Variants in CSMD1 observed in about 807,000 individuals in gnomAD.
The protein encoded by CSMD1 is CUB and sushi domain-containing protein 1.
Under a neutral mutation model 417.5 loss-of-function variants are expected in CSMD1, and 213 were observed. The ratio of observed to expected loss-of-function variants is 0.51; its 90% CI spans 0.46 to 0.57. The LOEUF is 0.57. Among genes scored for constraint, CSMD1 ranks in the 20% least tolerant of loss-of-function variants. The probability of loss-of-function intolerance (pLI) is 0.00; values close to 1 mark genes in which losing one functional copy is unlikely to be tolerated. For synonymous variants in CSMD1, 2,862 were observed against 1,736.8 expected (o/e 1.65, Z -16.11); for missense variants, 6,923 against 4,529.7 (o/e 1.53, Z -15.17).
At position 3,926,108 on chromosome 8, in the gene CSMD1, C is replaced by CACACACACACACAAACACCAT. The variant is rs1809696051; in HGVS notation, c.818+71794_818+71795insATGGTGTTTGTGTGTGTGTGT. Among the ~76,000 whole-genome samples the CACACACACACACAAACACCAT allele has an allele frequency of 4.3e-4, 34 of 79,230 alleles. 3 individuals are homozygous for CACACACACACACAAACACCAT. The highest frequency in any genetic ancestry group is 1.7e-3 in the East Asian group (6 of 3,490). The allele number at this position is 79,230 out of a possible 152,430, so 52.0% of individuals were successfully genotyped here. A position where few individuals can be genotyped will look rare whatever the true frequency, so the allele number is the denominator to read the frequency against. On this transcript the variant is annotated intron_variant, in intron 5 of 69. Coordinates refer to ENST00000635120, the MANE Select transcript of CSMD1 (RefSeq NM_033225.6). ...ACACACACACACACACACACACACA[C>CACACACACACACAAACACCAT]ACACACACACACACACACACACACT...
At chr8:4,031,741 T>C (rs903349188) in intron 4 of CSMD1, among the ~76,000 whole-genome samples, 164 bp downstream of exon 4, 2 of 152,232 alleles carry the variant, frequency 1.3e-5, no homozygotes, top group African/African-American at 4.8e-5. Flanking sequence ...ATTTCTTACA[T>C]AGTAATAACA....
At chr8:3,119,153 C>A (rs1055790458) in intron 41 of CSMD1, among the ~76,000 whole-genome samples, 2 of 151,812 alleles carry the variant, frequency 1.3e-5, no homozygotes, top group Non-Finnish European at 2.9e-5. Context: ...GCGCTCCAGC[C>A]CGGGCGACAG....
chr8:4,833,520 C>A (rs1283969945), intron 1 of CSMD1, among the ~76,000 whole-genome samples: 1 of 152,208 alleles, frequency 6.6e-6, no homozygotes, highest in Non-Finnish European at 1.5e-5. Flanking sequence ...GAGCCAAACC[C>A]TATCACCCAC....
At chr8:3,665,495 C>T (rs554030623) in intron 7 of CSMD1, among the ~76,000 whole-genome samples, 2 of 152,272 alleles carry the variant, frequency 1.3e-5, no homozygotes, top group Admixed American at 6.5e-5. Flanking sequence ...CGCCACTGCA[C>T]TCCAGCCTGG....
At chr8:3,472,968 C>G (rs71521863) in intron 11 of CSMD1, among the ~76,000 whole-genome samples, 4,970 of 152,194 alleles carry the variant, frequency 0.033, 99 homozygotes, top group Non-Finnish European at 0.049. Context: ...CAGCTGAACA[C>G]TGATTATCTC....
chr8:4,161,481 G>A (rs995379897), intron 3 of CSMD1, among the ~76,000 whole-genome samples: 3 of 152,150 alleles, frequency 2.0e-5, no homozygotes, highest in African/African-American at 4.8e-5. Flanking sequence ...AGGTCATGCT[G>A]CTGTTGAGAT....
At chr8:3,504,228 T>C (rs952515648) in intron 10 of CSMD1, among the ~76,000 whole-genome samples, 4 of 145,642 alleles carry the variant, frequency 2.7e-5, no homozygotes, top group South Asian at 2.3e-4. Context: ...ACAATTATTA[T>C]GTATTAATTA....
chr8:3,535,461 C>T (rs554853993), intron 10 of CSMD1, among the ~76,000 whole-genome samples: 1 of 152,258 alleles, frequency 6.6e-6, no homozygotes, highest in East Asian at 1.9e-4. Flanking sequence ...GCAAAAGCCT[C>T]CATGTTCTCA....
chr8:4,725,117 G>A, intron 1 of CSMD1, among the ~76,000 whole-genome samples: 1 of 151,978 alleles, frequency 6.6e-6, no homozygotes, highest in Non-Finnish European at 1.5e-5. Flanking sequence ...ATCCTGAAAG[G>A]TATATATGTT....
rs189980987 is a variant in CSMD1 at position 3,268,034 on chromosome 8, T to C, written c.4153+16110A>G. Among the ~76,000 whole-genome samples the C allele has an allele frequency of 4.6e-5, 7 of 152,212 alleles. No individual in the cohort carries two copies. The East Asian group carries it at 1.2e-3, about 25-fold the overall frequency. ...CTCTGTCTGCCCTTCCTGGTAGTTT[T>C]ATGAGGGACGGGCCAATCTTTGCCT... On this transcript the variant is annotated intron_variant, in intron 26 of 69. Transcript: ENST00000635120.
At chr8:4,363,892 C>T (rs893463646) in intron 3 of CSMD1, among the ~76,000 whole-genome samples, 9 of 152,088 alleles carry the variant, frequency 5.9e-5, no homozygotes, top group African/African-American at 2.2e-4. Flanking sequence ...GGACGGTTAC[C>T]AGAGTCTAGA....
At chr8:4,428,577 CCTTAT>C (rs1169052452) in intron 2 of CSMD1, among the ~76,000 whole-genome samples, 1 of 152,032 alleles carries the variant, frequency 6.6e-6, no homozygotes, top group Non-Finnish European at 1.5e-5. Flanking sequence ...TTGCAACTTA[CCTTAT>C]GACACTTTCA....
At chr8:2,972,367 G>A (rs1464067091) in intron 57 of CSMD1, among the ~76,000 whole-genome samples, 1 of 152,132 alleles carries the variant, frequency 6.6e-6, no homozygotes, top group Non-Finnish European at 1.5e-5. Flanking sequence ...GAATTAATTT[G>A]TATAACCTTT....
chr8:4,339,009 G>A (rs1206590887), intron 3 of CSMD1, among the ~76,000 whole-genome samples: 2 of 152,072 alleles, frequency 1.3e-5, no homozygotes, highest in African/African-American at 4.8e-5. Flanking sequence ...GAAAAGCAAG[G>A]CTTTTCTGTG....
At chr8:4,910,377 A>AG (rs1464657647) in intron 1 of CSMD1, among the ~76,000 whole-genome samples, 3 of 152,178 alleles carry the variant, frequency 2.0e-5, no homozygotes, top group Admixed American at 2.0e-4. Context: ...AATACTATAA[A>AG]CTGGATTGCT....
chr8:3,879,505 T>G (rs1420278268), intron 5 of CSMD1, among the ~76,000 whole-genome samples: 3 of 152,186 alleles, frequency 2.0e-5, no homozygotes, highest in Non-Finnish European at 4.4e-5. Flanking sequence ...CAAGTTACCG[T>G]GAGAGCAAGG....
chr8:4,048,099 G>A (rs1798242139), intron 3 of CSMD1, among the ~76,000 whole-genome samples: 1 of 151,980 alleles, frequency 6.6e-6, no homozygotes, highest in Non-Finnish European at 1.5e-5. Context: ...AGTATCTCAG[G>A]GTAGACCCCG....
At chr8:4,235,447 A>C (rs1017354060) in intron 3 of CSMD1, among the ~76,000 whole-genome samples, 2 of 152,042 alleles carry the variant, frequency 1.3e-5, no homozygotes, top group African/African-American at 4.8e-5. Context: ...TGCCATGTCC[A>C]CAAGTACCTG....
At chr8:4,360,009 G>T (rs1327400761) in intron 3 of CSMD1, among the ~76,000 whole-genome samples, 1 of 152,148 alleles carries the variant, frequency 6.6e-6, no homozygotes, top group Non-Finnish European at 1.5e-5. Flanking sequence ...CCCAGTTGTG[G>T]AGTTCCAGCT....
Sources: gnomAD v4.1 joint callset for allele counts (sites outside exome capture counted in the v4.1 genomes callset) on GRCh38, gnomAD v4.1.1 for gene constraint, MANE v1.5 for transcripts, NCBI Gene and HGNC (gene_info 2026-07-23, HGNC 2026-07-21) for gene names.